The following DLC1 variants were observed in gnomAD, a reference collection of about 807,000 sequenced individuals.
DLC1 encodes DLC1 Rho GTPase activating protein.
Under a neutral mutation model 140.3 loss-of-function variants are expected in DLC1, and 54 were observed. The ratio of observed to expected loss-of-function variants is 0.38; its 90% CI spans 0.31 to 0.48. The LOEUF (loss-of-function observed/expected upper bound fraction) is 0.48. Among genes scored for constraint, DLC1 ranks in the 20% least tolerant of loss-of-function variants. DLC1 has a pLI of 0.96. For missense variants in DLC1, 2,536 were observed against 1,907.0 expected (o/e 1.33, Z -6.14); for synonymous variants, 986 against 728.1 (o/e 1.35, Z -5.70).
Position 13,499,581 on chromosome 8 carries a change from C to T in DLC1, c.491G>A (p.Trp164Ter). ...IQSNQVSSNSWGIAGETELAL... is the reference protein window; with the variant it reads ...IQSNQVSSNS Reference sequence around the variant, plus strand: ...TAATTCAGTTTCACCAGCTATTCCCCAGGAGTTAGAAGAAACTTGGTTACT... The same window carrying T: ...TAATTCAGTTTCACCAGCTATTCCCTAGGAGTTAGAAGAAACTTGGTTACT... The change falls in exon 2 of 18, where the codon TGG (tryptophan) becomes TAG (stop). Residue 164 changes from tryptophan to a stop codon, truncating the protein, a stop_gained. Coordinates refer to ENST00000276297, the MANE Select transcript of DLC1 (RefSeq NM_182643.3). LOFTEE classifies it high-confidence loss of function. The T allele has an allele frequency of 1.2e-6, 2 of 1,614,142 alleles. No homozygotes were observed. Among genetic ancestry groups the T allele is most frequent in the South Asian group, 1.1e-5 (1 of 91,080 alleles).
rs1156699676 is a variant in DLC1, at chr8:13,099,818, G to A, written c.2519C>T (p.Thr840Met). ...SGNNGSVNWR[T>M]GSFHGPGHIS... ...GTGGCCAGGGCCGTGGAAGCTTCCCGTCCTCCAGTTCACAGAGCCGTTATT... is the reference window on the plus strand; with the variant it reads ...GTGGCCAGGGCCGTGGAAGCTTCCCATCCTCCAGTTCACAGAGCCGTTATT... The change falls in exon 9 of 18, where the codon ACG (threonine) becomes ATG (methionine). Residue 840 changes from threonine (T) to methionine (M), a missense_variant. By Grantham distance (81) the Thr-to-Met change is moderately conservative (BLOSUM62 -1). Transcript: ENST00000276297. The A allele has an allele frequency of 1.9e-6, 3 of 1,614,158 alleles. No homozygotes were observed. The highest frequency in any genetic ancestry group is 1.7e-6 in the Non-Finnish European group (2 of 1,180,042).
At chr8:13,180,838 T>C (rs1168314384) in intron 5 of DLC1, among the ~76,000 whole-genome samples, 1 of 152,218 alleles carries the variant, frequency 6.6e-6, no homozygotes, top group Non-Finnish European at 1.5e-5. Context: ...TAGAGAGTTG[T>C]CTCAAATAGG....
intron 4 of DLC1, among the ~76,000 whole-genome samples, chr8:13,310,705 G>A (rs1832636902): frequency 6.6e-6 from 1 of 152,226 alleles, no homozygotes; most frequent in South Asian, 2.1e-4. Context: ...AATGATTTCA[G>A]TCTGCTTTCA....
chr8:13,311,426 A>G (rs1272155880), intron 4 of DLC1, among the ~76,000 whole-genome samples: 1 of 152,236 alleles, frequency 6.6e-6, no homozygotes, highest in Non-Finnish European at 1.5e-5. Flanking sequence ...GTTTCAGAAA[A>G]AAAGAGATGA....
chr8:13,393,477 C>A lies in DLC1; in HGVS notation c.1314+76G>T, dbSNP rs759819336. On this transcript the variant is annotated intron_variant, in intron 4 of 17. Transcript: ENST00000276297. ...GATTCCAACAGTATTTCTTCTATAT[C>A]GAATGAATATCAACTCTTACCTGAT... 8 of 1,441,996 alleles carry A rather than the reference C, an allele frequency of 5.5e-6. No homozygotes were observed. The African/African-American group carries it at 1.0e-4, about 18-fold the overall frequency. The allele number at this position is 1,441,996 out of a possible 1,614,324, so 89.3% of individuals were successfully genotyped here.
chr8:13,564,203 A>G (rs1369560518), intron 1 of DLC1, among the ~76,000 whole-genome samples: 6 of 152,234 alleles, frequency 3.9e-5, no homozygotes, highest in African/African-American at 1.4e-4. Context: ...TGCAGAAAAC[A>G]GAATAGAAAG....
At chr8:13,156,690 G>A (rs928598692) in intron 5 of DLC1, among the ~76,000 whole-genome samples, 4 of 152,136 alleles carry the variant, frequency 2.6e-5, no homozygotes, top group Non-Finnish European at 4.4e-5. Context: ...AAGTGTCCCT[G>A]TATCTGATGT....
At chr8:13,395,969 G>C (rs1195920271) in intron 3 of DLC1, among the ~76,000 whole-genome samples, 1 of 151,520 alleles carries the variant, frequency 6.6e-6, no homozygotes, top group Non-Finnish European at 1.5e-5. Flanking sequence ...TATAAACATT[G>C]AATGCATAAT....
At chr8:13,089,166 G>T (rs964408592) in intron 15 of DLC1, among the ~76,000 whole-genome samples, 3 of 151,560 alleles carry the variant, frequency 2.0e-5, no homozygotes, top group Non-Finnish European at 2.9e-5. Context: ...GGCTGAGGAA[G>T]GAGAATCACT....
At chr8:13,349,925 C>T (rs1834555704) in intron 4 of DLC1, among the ~76,000 whole-genome samples, 1 of 152,140 alleles carries the variant, frequency 6.6e-6, no homozygotes, top group South Asian at 2.1e-4. Flanking sequence ...CATATGGACT[C>T]TCTCTTTTTC....
At position 13,537,711 on chromosome 8, in the gene DLC1, T is replaced by G. The variant is rs1043575676; in HGVS notation, c.-125-37515A>C. ...CTCTGTCACCCAGGCTAGAATGCAG[T>G]GGCGCGATCTCGGCTCACTGCAAGC... On this transcript the variant is annotated intron_variant, in intron 1 of 1. Coordinates refer to the DLC1 transcript ENST00000631382. Among the ~76,000 whole-genome samples the G allele has an allele frequency of 4.9e-5, 7 of 142,140 alleles. No individual in the cohort carries two copies. In the Admixed American group the frequency reaches 5.3e-4, roughly 11 times the overall value. The allele number at this position is 142,140 out of a possible 152,430, so 93.2% of individuals were successfully genotyped here. A position where few individuals can be genotyped will look rare whatever the true frequency, so the allele number is the denominator to read the frequency against.
At chr8:13,506,805 C>G (rs541321160) in intron 1 of DLC1, among the ~76,000 whole-genome samples, 5 of 152,080 alleles carry the variant, frequency 3.3e-5, no homozygotes, top group Non-Finnish European at 7.4e-5. Context: ...CTAAAATGCT[C>G]TCTCAGCATA....
intron 2 of DLC1, among the ~76,000 whole-genome samples, chr8:13,413,103 T>G (rs1464497335): frequency 6.6e-6 from 1 of 151,876 alleles, no homozygotes; most frequent in Non-Finnish European, 1.5e-5. Flanking sequence ...CTGCTACTGA[T>G]AAGGAAAGTG....
At chr8:13,159,040 T>C (rs1824487673) in intron 5 of DLC1, among the ~76,000 whole-genome samples, 2 of 152,138 alleles carry the variant, frequency 1.3e-5, no homozygotes, top group African/African-American at 4.8e-5. Flanking sequence ...ATGTAATTAG[T>C]GAAGCAGGCA....
intron 4 of DLC1, among the ~76,000 whole-genome samples, chr8:13,373,264 A>G (rs1329035818): frequency 3.9e-5 from 6 of 152,200 alleles, no homozygotes; most frequent in Non-Finnish European, 5.9e-5. Flanking sequence ...GACCACATTC[A>G]TTAGTGTCAT....
chr8:13,215,524 T>C (rs917739286), intron 5 of DLC1, among the ~76,000 whole-genome samples: 1 of 152,092 alleles, frequency 6.6e-6, no homozygotes, highest in Admixed American at 6.5e-5. Flanking sequence ...AGGCAGAAGT[T>C]TCAGTTAGCC....
At chr8:13,497,463 A>C (rs1801566963) in intron 2 of DLC1, among the ~76,000 whole-genome samples, 1 of 152,260 alleles carries the variant, frequency 6.6e-6, no homozygotes, top group Non-Finnish European at 1.5e-5. Context: ...AGAATGACAG[A>C]ATGCTTAAAA....
chr8:13,278,146 C>T (rs1241030732), intron 5 of DLC1, among the ~76,000 whole-genome samples: 1 of 152,244 alleles, frequency 6.6e-6, no homozygotes, highest in Admixed American at 6.5e-5. Context: ...TTTGCCTTAT[C>T]ATTGGACTGG....
chr8:13,384,761 T>G (rs566719360), intron 4 of DLC1, among the ~76,000 whole-genome samples: 4 of 152,142 alleles, frequency 2.6e-5, no homozygotes, highest in Admixed American at 1.3e-4. Context: ...CTTTTACATT[T>G]TGTTTTTGTT....
Sources: gnomAD v4.1 joint callset for allele counts (sites outside exome capture counted in the v4.1 genomes callset) on GRCh38, gnomAD v4.1.1 for gene constraint, MANE v1.5 for transcripts, NCBI Gene and HGNC (gene_info 2026-07-23, HGNC 2026-07-21) for gene names.